The following RNF157 variants were observed in gnomAD, a reference collection of about 807,000 sequenced individuals.
The protein encoded by RNF157 is ring finger protein 157.
RNF157 carries 55 observed loss-of-function variants against 88.3 expected under a neutral mutation model. That is an observed-to-expected ratio of 0.62 (90% confidence interval 0.50 to 0.78). The LOEUF (loss-of-function observed/expected upper bound fraction) is 0.78, where lower values mean the gene tolerates loss of function less well. Ranked by LOEUF, RNF157 falls within the 30% of genes least tolerant of loss-of-function variation. RNF157 has a pLI of 0.00. For missense variants in RNF157, 788 were observed against 860.8 expected (o/e 0.92, Z 1.06); for synonymous variants, 334 against 341.2 (o/e 0.98, Z 0.23).
At chr17:76,225,713 T>C (rs1188107698) in intron 1 of RNF157, 2 of 1,438,976 alleles carry the variant, frequency 1.4e-6, no homozygotes, top group Non-Finnish European at 9.3e-7. Flanking sequence ...GCAGACACTC[T>C]ATGTACAAGC....
At chr17:76,210,601 A>AAAAAAAG (rs777083177) in intron 2 of RNF157, among the ~76,000 whole-genome samples, 18 of 148,418 alleles carry the variant, frequency 1.2e-4, no homozygotes, top group African/African-American at 3.2e-4. Flanking sequence ...AAAAAAAAAA[A>AAAAAAAG]AAAGAAAGAA....
rs944733262 is a variant in RNF157, at chr17:76,143,899, T to G, written c.*1336A>C. 3 of 151,910 alleles carry G rather than the reference T, an allele frequency of 2.0e-5. No individual in the cohort carries two copies. Among genetic ancestry groups the G allele is most frequent in the Admixed American group, 2.0e-4 (3 of 15,222 alleles). 9.4% of individuals were successfully genotyped at this position (151,910 alleles called of 1,614,324 possible). On this transcript the variant is annotated 3_prime_UTR_variant, in exon 19 of 19. Coordinates refer to ENST00000269391, the MANE Select transcript of RNF157 (RefSeq NM_052916.3). ...GATTCTCCTGCCTCAGCCTCCCGAG[T>G]AGCTGGGGAGGGCCCTTGAAGTGAA...
intron 18 of RNF157, among the ~76,000 whole-genome samples, chr17:76,150,453 T>C (rs1330665347): frequency 1.3e-5 from 2 of 152,132 alleles, no homozygotes; most frequent in Non-Finnish European, 2.9e-5. Context: ...GAATAAGCTG[T>C]TTCCACTAGC....
At chr17:76,232,144 AG>A (rs1258316476) in intron 1 of RNF157, among the ~76,000 whole-genome samples, 1 of 152,168 alleles carries the variant, frequency 6.6e-6, no homozygotes, top group Non-Finnish European at 1.5e-5. Flanking sequence ...GCACTTTGAG[AG>A]GCCGAGGCTG....
At chr17:76,210,168 A>G (rs1447583748) in intron 2 of RNF157, among the ~76,000 whole-genome samples, 1 of 152,270 alleles carries the variant, frequency 6.6e-6, no homozygotes, top group Non-Finnish European at 1.5e-5. Flanking sequence ...CCAAGGCAGT[A>G]GTAACAAAAT....
chr17:76,239,606 T>C (rs544510105), intron 1 of RNF157, among the ~76,000 whole-genome samples: 2 of 142,674 alleles, frequency 1.4e-5, no homozygotes, highest in Admixed American at 7.3e-5. Context: ...CCTGTTTGGC[T>C]TCCATCCTTC....
intron 2 of RNF157, among the ~76,000 whole-genome samples, chr17:76,187,934 T>C (rs1348387600): frequency 6.6e-6 from 1 of 152,250 alleles, no homozygotes; most frequent in East Asian, 1.9e-4. Flanking sequence ...AATGTAAAGA[T>C]GTGCGGAAAC....
intron 1 of RNF157, among the ~76,000 whole-genome samples, chr17:76,219,016 G>A (rs1389514618): frequency 1.3e-5 from 2 of 152,078 alleles, no homozygotes; most frequent in African/African-American, 4.8e-5. Flanking sequence ...ATGGATAGCA[G>A]AGAAAAAGCA....
At chr17:76,236,582 G>A (rs922731964) in intron 1 of RNF157, among the ~76,000 whole-genome samples, 2 of 152,104 alleles carry the variant, frequency 1.3e-5, no homozygotes, top group East Asian at 1.9e-4. Context: ...ATGCTATACA[G>A]AAACTCCCAC....
In RNF157 at chr17:76,212,384, GA is replaced by G. The variant is rs1568067688; in HGVS notation, c.186del (p.Leu63TrpfsTer19). 1.2e-6 allele frequency: 2 copies of G among 1,612,670 alleles called. No individual in the cohort carries two copies. Among genetic ancestry groups the G allele is most frequent in the Non-Finnish European group, 1.7e-6 (2 of 1,178,682 alleles). On this transcript the variant is annotated frameshift_variant, in exon 2 of 19. Coordinates refer to ENST00000269391, the MANE Select transcript of RNF157 (RefSeq NM_052916.3). LOFTEE classifies it high-confidence loss of function. ...YLFGENSDLN[F>X]LGNRPVVFPY... is the part of the protein sequence containing the mutation. Reference sequence around the variant, plus strand: ...CATACCACAACTGGTCTGTTCCCCAGAAAGTTCAGATCGCTGTTCTCTCCAA... The same window carrying G: ...CATACCACAACTGGTCTGTTCCCCAGAAGTTCAGATCGCTGTTCTCTCCAA...
chr17:76,183,256 A>G (rs2069228065), intron 2 of RNF157, among the ~76,000 whole-genome samples: 1 of 150,532 alleles, frequency 6.6e-6, no homozygotes, highest in African/African-American at 2.4e-5. Flanking sequence ...AATATTTTTG[A>G]AAACTGCAGA....
At chr17:76,217,489 C>G (rs559594177) in intron 1 of RNF157, among the ~76,000 whole-genome samples, 1 of 152,092 alleles carries the variant, frequency 6.6e-6, no homozygotes, top group Non-Finnish European at 1.5e-5. Context: ...CTCAGTCTTT[C>G]TAGAGGGACA....
intron 2 of RNF157, among the ~76,000 whole-genome samples, chr17:76,177,899 C>T (rs116116942): frequency 6.6e-5 from 10 of 152,236 alleles, no homozygotes; most frequent in Non-Finnish European, 7.4e-5. Flanking sequence ...GACCTTCCTG[C>T]GGAAAAGAGC....
rs2068552699 is a variant in RNF157 at position 76,144,295 on chromosome 17, T to C, written c.*940A>G. 6.6e-6 allele frequency: 1 copy of C among 151,116 alleles called. No homozygotes were observed. Among genetic ancestry groups the C allele is most frequent in the East Asian group, 1.9e-4 (1 of 5,148 alleles). 9.4% of individuals were successfully genotyped at this position (151,116 alleles called of 1,614,324 possible). ...GCTCCTTAAGGGAAATCATCTTAAC[T>C]GGGGGATTCTCAGATTCAAGGGCTC... On this transcript the variant is annotated 3_prime_UTR_variant, in exon 19 of 19. Transcript: ENST00000269391.
chr17:76,190,781 C>A (rs563077427), intron 2 of RNF157, among the ~76,000 whole-genome samples: 1 of 151,446 alleles, frequency 6.6e-6, no homozygotes, highest in Non-Finnish European at 1.5e-5. Context: ...GTGGCAGGCG[C>A]CCTGTAGTCC....
At chr17:76,233,523 T>G (rs2070231424) in intron 1 of RNF157, among the ~76,000 whole-genome samples, 1 of 152,204 alleles carries the variant, frequency 6.6e-6, no homozygotes, top group South Asian at 2.1e-4. Context: ...GTTTTTGCAT[T>G]TATGTCTATG....
intron 2 of RNF157, among the ~76,000 whole-genome samples, chr17:76,188,266 G>A (rs1250891191): frequency 6.6e-6 from 1 of 152,020 alleles, no homozygotes; most frequent in Non-Finnish European, 1.5e-5. Context: ...TCCTACCTGG[G>A]ATCACTCCAC....
chr17:76,154,133 T>G lies in RNF157; in HGVS notation c.1810+150A>C, dbSNP rs986693125. The G allele has an allele frequency of 2.0e-5, 14 of 683,660 alleles. No homozygotes were observed. In the Admixed American group the frequency reaches 2.4e-4, roughly 12 times the overall value. 42.3% of individuals were successfully genotyped at this position (683,660 alleles called of 1,614,324 possible). On this transcript the variant is annotated intron_variant, in intron 17 of 18. Transcript: ENST00000269391. ...ATCATCAATGCTCTGCTTGCTTTGA[T>G]GTACCATTAAGAAGACGATCTTTCC... is the stretch of plus-strand genomic sequence containing the variant.
At chr17:76,199,966 G>A (rs534185384) in intron 2 of RNF157, among the ~76,000 whole-genome samples, 35 of 152,294 alleles carry the variant, frequency 2.3e-4, no homozygotes, top group Admixed American at 2.1e-3. Flanking sequence ...GGTCGGGCGC[G>A]GTGGCTCACG....
Sources: gnomAD v4.1 joint callset for allele counts (sites outside exome capture counted in the v4.1 genomes callset) on GRCh38, gnomAD v4.1.1 for gene constraint, MANE v1.5 for transcripts, NCBI Gene and HGNC (gene_info 2026-07-23, HGNC 2026-07-21) for gene names.